MGAT4C: variants seen among roughly 807,000 people sequenced by gnomAD.
The protein encoded by MGAT4C is alpha-1,3-mannosyl-glycoprotein 4-beta-N-acetylglucosaminyltransferase C.
A neutral mutation model predicts 40.1 loss-of-function variants in MGAT4C; 19 were observed. The observed-to-expected ratio is 0.47, with a 90% confidence interval of 0.33 to 0.70. The LOEUF is 0.70. MGAT4C is among the 30% of genes least tolerant of loss of function. The probability of loss-of-function intolerance (pLI) is 0.02; values close to 1 mark genes in which losing one functional copy is unlikely to be tolerated. For missense variants in MGAT4C, 491 were observed against 563.2 expected, an observed-to-expected ratio of 0.87 and a Z score of 1.30; for synonymous variants, 181 against 187.1, an observed-to-expected ratio of 0.97 and a Z score of 0.27.
intron 1 of MGAT4C, among the ~76,000 whole-genome samples, chr12:86,222,387 A>G (rs1229265911): frequency 6.6e-6 from 1 of 152,214 alleles, no homozygotes; most frequent in East Asian, 1.9e-4. Flanking sequence ...AAATTTAATT[A>G]TACTCTGCAC....
In MGAT4C at chr12:85,967,887, T is replaced by G. The variant is rs1883438358; in HGVS notation, c.*11402A>C. On this transcript the variant is annotated 3_prime_UTR_variant, in exon 5 of 5. Coordinates refer to ENST00000611864, the MANE Select transcript of MGAT4C (RefSeq NM_001351288.2). ...CCTTGTTTTTCTTGACTCAAATAGCTATCTCAAGTTTCGTACACTTTTTAG... is the reference window on the plus strand; with the variant it reads ...CCTTGTTTTTCTTGACTCAAATAGCGATCTCAAGTTTCGTACACTTTTTAG... 1 of 152,102 alleles carries G rather than the reference T, an allele frequency of 6.6e-6. No homozygotes were observed. The highest frequency in any genetic ancestry group is 2.1e-4 in the South Asian group (1 of 4,838). 9.4% of individuals were successfully genotyped at this position (152,102 alleles called of 1,614,324 possible).
rs371360525 is a variant in MGAT4C at position 85,963,470 on chromosome 12, CTTA to C, written c.*15816_*15818del. 12 of 151,942 alleles carry C rather than the reference CTTA, an allele frequency of 7.9e-5. No homozygotes were observed. The highest frequency in any genetic ancestry group is 2.9e-4 in the African/African-American group (12 of 41,518). The allele number at this position is 151,942 out of a possible 1,614,324, so 9.4% of individuals were successfully genotyped here. On this transcript the variant is annotated 3_prime_UTR_variant, in exon 5 of 5. Coordinates refer to ENST00000611864, the MANE Select transcript of MGAT4C (RefSeq NM_001351288.2). The stretch of plus-strand genomic sequence containing the variant: ...TACACACAGACACACACAGAGTTTG[CTTA>C]TAAGCTCAGGAAGCTTAAAGATCTG...
chr12:86,132,749 G>A (rs570869591), intron 1 of MGAT4C, among the ~76,000 whole-genome samples: 1 of 140,360 alleles, frequency 7.1e-6, no homozygotes, highest in Non-Finnish European at 1.5e-5. Flanking sequence ...CAGAGATCGC[G>A]CCACTGCACT....
intron 4 of MGAT4C, among the ~76,000 whole-genome samples, chr12:86,307,742 G>A (rs1953973609): frequency 6.7e-6 from 1 of 149,646 alleles, no homozygotes; most frequent in Non-Finnish European, 1.5e-5. Flanking sequence ...TAGCTCTGTC[G>A]CCCAGGCTGG....
chr12:86,072,026 T>G (rs933264131), intron 1 of MGAT4C, among the ~76,000 whole-genome samples: 1 of 148,958 alleles, frequency 6.7e-6, no homozygotes, highest in African/African-American at 2.5e-5. Context: ...GCATAGGGTT[T>G]TGTGTGTGTG....
intron 2 of MGAT4C, among the ~76,000 whole-genome samples, chr12:86,544,971 C>A (rs1272310619): frequency 1.3e-5 from 2 of 151,994 alleles, no homozygotes; most frequent in Non-Finnish European, 2.9e-5. Flanking sequence ...TCACTGTTAA[C>A]CTACTTAACA....
rs567051272 is a variant in MGAT4C at position 86,365,992 on chromosome 12, T to G, written c.-119-31865A>C. 2.0e-5 allele frequency among the ~76,000 whole-genome samples: 3 copies of G among 152,358 alleles called. No individual in the cohort carries two copies. In the South Asian group the frequency reaches 6.2e-4, roughly 32 times the overall value. On this transcript the variant is annotated intron_variant, in intron 3 of 7. Coordinates refer to the MGAT4C transcript ENST00000548651. ...ATTGCTTTGGGCAGTATGGCCATTT[T>G]AACAATATTGATTCTTCCAATCCAT...
At chr12:86,456,889 C>T (rs1957519237) in intron 2 of MGAT4C, among the ~76,000 whole-genome samples, 1 of 152,066 alleles carries the variant, frequency 6.6e-6, no homozygotes, top group Admixed American at 6.6e-5. Flanking sequence ...TCACCACTAC[C>T]TGGTAGAATA....
chr12:86,391,282 T>C (rs944652087), intron 3 of MGAT4C, among the ~76,000 whole-genome samples: 1 of 152,084 alleles, frequency 6.6e-6, no homozygotes, highest in African/African-American at 2.4e-5. Flanking sequence ...ATTTTTAGAG[T>C]AAAGGATTTT....
intron 4 of MGAT4C, among the ~76,000 whole-genome samples, chr12:86,308,930 G>C (rs1401657648): frequency 2.0e-5 from 3 of 150,634 alleles, no homozygotes; most frequent in African/African-American, 5.0e-5. Flanking sequence ...AGTTTGAACT[G>C]ATTATCTGTA....
intron 3 of MGAT4C, among the ~76,000 whole-genome samples, chr12:86,420,781 A>G (rs1432520168): frequency 6.7e-6 from 1 of 148,778 alleles, no homozygotes; most frequent in Non-Finnish European, 1.5e-5. Context: ...CCTGACATAT[A>G]TATATATATA....
At chr12:86,175,793 T>C (rs957589395) in intron 1 of MGAT4C, among the ~76,000 whole-genome samples, 6 of 2,852 alleles carry the variant, frequency 2.1e-3, no homozygotes, top group African/African-American at 5.4e-3. Context: ...CTACTAAAAA[T>C]ACAAAAAAAA....
intron 2 of MGAT4C, among the ~76,000 whole-genome samples, chr12:86,550,253 C>A (rs1959284547): frequency 6.6e-6 from 1 of 152,176 alleles, no homozygotes; most frequent in Non-Finnish European, 1.5e-5. Context: ...TTATAAACTA[C>A]CCTGTCTCAG....
intron 1 of MGAT4C, among the ~76,000 whole-genome samples, chr12:86,223,175 C>T (rs541827584): frequency 6.6e-6 from 1 of 152,208 alleles, no homozygotes; most frequent in Non-Finnish European, 1.5e-5. Context: ...CTGGGAACTT[C>T]CATGAACAAA....
At chr12:86,226,290 T>C (rs1951071449) in intron 1 of MGAT4C, among the ~76,000 whole-genome samples, 1 of 151,934 alleles carries the variant, frequency 6.6e-6, no homozygotes, top group African/African-American at 2.4e-5. Flanking sequence ...ATCAGAACCA[T>C]AGAATTTGCA....
chr12:85,959,554 A>G lies in MGAT4C; in HGVS notation c.*19735T>C, dbSNP rs1405790052. ...TAATTCAAATGAATTTTACTACTTTAGACAAAGGTACAACACTCTATTCAA... is the reference window on the plus strand; with the variant it reads ...TAATTCAAATGAATTTTACTACTTTGGACAAAGGTACAACACTCTATTCAA... On this transcript the variant is annotated 3_prime_UTR_variant, in exon 5 of 5. Transcript: ENST00000611864. The G allele has an allele frequency of 6.6e-6, 1 of 152,054 alleles. No individual in the cohort carries two copies. The highest frequency in any genetic ancestry group is 1.5e-5 in the Non-Finnish European group (1 of 67,976). The allele number at this position is 152,054 out of a possible 1,614,324, so 9.4% of individuals were successfully genotyped here.
At chr12:86,015,859 T>G in intron 2 of MGAT4C, 1 of 152,222 alleles carries the variant, frequency 6.6e-6, no homozygotes, top group East Asian at 1.9e-4. Flanking sequence ...TCTGCACAAT[T>G]GAGCATCCCT....
intron 2 of MGAT4C, among the ~76,000 whole-genome samples, chr12:86,038,255 C>A (rs1372800941): frequency 6.7e-6 from 1 of 149,740 alleles, no homozygotes; most frequent in Admixed American, 6.7e-5. Flanking sequence ...AAGCAAGGAG[C>A]CAGCAAGTCT....
intron 3 of MGAT4C, among the ~76,000 whole-genome samples, chr12:86,350,132 C>A (rs920184721): frequency 6.6e-6 from 1 of 152,124 alleles, no homozygotes; most frequent in South Asian, 2.1e-4. Flanking sequence ...TTCTCTTATC[C>A]TTTCTTTTCC....
Sources: allele counts gnomAD v4.1 joint callset (sites outside exome capture counted in the v4.1 genomes callset), GRCh38; gene constraint gnomAD v4.1.1; transcripts MANE v1.5; gene names NCBI Gene and HGNC (gene_info 2026-07-23, HGNC 2026-07-21).